The following NRG3 variants were observed in gnomAD, a reference collection of about 807,000 sequenced individuals.
NRG3 encodes pro-neuregulin-3, membrane-bound isoform.
Under a neutral mutation model 66.9 loss-of-function variants are expected in NRG3, and 31 were observed. That is an observed-to-expected ratio of 0.46 (90% CI 0.35 to 0.63). NRG3 has a LOEUF of 0.63. NRG3 is among the 20% of genes least tolerant of loss of function. The pLI, the probability that NRG3 is intolerant of heterozygous loss-of-function variation, is 0.00. For synonymous variants in NRG3, 393 were observed against 359.4 expected, an observed-to-expected ratio of 1.09 and a Z score of -1.06; for missense variants, 910 against 878.9, an observed-to-expected ratio of 1.04 and a Z score of -0.45.
chr10:81,990,871 C>CA (rs887366235), intron 1 of NRG3, among the ~76,000 whole-genome samples: 6 of 151,852 alleles, frequency 4.0e-5, no homozygotes, highest in African/African-American at 1.2e-4. Context: ...AAAAATAAAC[C>CA]TAGTATTTTC....
At chr10:82,083,617 G>A (rs2065526885) in intron 1 of NRG3, among the ~76,000 whole-genome samples, 1 of 131,152 alleles carries the variant, frequency 7.6e-6, no homozygotes, top group Non-Finnish European at 1.6e-5. Flanking sequence ...TTTTTTTTGA[G>A]ACAGAGTTTC....
At chr10:82,347,109 C>G (rs1049593184) in intron 1 of NRG3, among the ~76,000 whole-genome samples, 6 of 149,316 alleles carry the variant, frequency 4.0e-5, no homozygotes, top group Non-Finnish European at 5.9e-5. Context: ...CTTCTGCTAG[C>G]TTTTGAATGT....
At chr10:82,276,372 A>G (rs1468433598) in intron 1 of NRG3, among the ~76,000 whole-genome samples, 1 of 152,016 alleles carries the variant, frequency 6.6e-6, no homozygotes, top group Non-Finnish European at 1.5e-5. Context: ...TCTCAATTAG[A>G]AATATAGTTC....
chr10:82,199,384 G>A (rs1318449223), intron 1 of NRG3, among the ~76,000 whole-genome samples: 3 of 152,096 alleles, frequency 2.0e-5, no homozygotes, highest in African/African-American at 7.2e-5. Context: ...TGATATGTTG[G>A]TGCAGCTCTG....
chr10:81,988,874 C>CTTT (rs398054550), intron 1 of NRG3, among the ~76,000 whole-genome samples: 17 of 141,468 alleles, frequency 1.2e-4, no homozygotes, highest in African/African-American at 3.8e-4. Context: ...CCCGGATGTA[C>CTTT]TTTTTTTTTT....
chr10:82,526,464 G>T (rs1215632226), intron 2 of NRG3, among the ~76,000 whole-genome samples: 3 of 151,750 alleles, frequency 2.0e-5, no homozygotes, highest in Non-Finnish European at 4.4e-5. Flanking sequence ...GATTGAACAT[G>T]TATATTCTGT....
At chr10:82,700,885 A>G (rs1479782409) in intron 2 of NRG3, among the ~76,000 whole-genome samples, 1 of 152,010 alleles carries the variant, frequency 6.6e-6, no homozygotes, top group Non-Finnish European at 1.5e-5. Flanking sequence ...GGAACACGTC[A>G]CCTTTAACTC....
chr10:82,359,256 G>T (rs2083971559), intron 2 of NRG3, among the ~76,000 whole-genome samples: 1 of 152,190 alleles, frequency 6.6e-6, no homozygotes, highest in African/African-American at 2.4e-5. Flanking sequence ...GAAGCAAACT[G>T]CTCATCTAAG....
Position 81,875,870 on chromosome 10 carries a change from C to T in NRG3, c.530C>T (p.Ala177Val), listed in dbSNP as rs1229338372. 6.2e-7 allele frequency: 1 copy of T among 1,610,654 alleles called. No individual in the cohort carries two copies. Among genetic ancestry groups the T allele is most frequent in the East Asian group, 2.2e-5 (1 of 44,850 alleles). ...CCCGGGCACCGGGTGCCCATCCGGG[C>T]CAGCCCGCGCTCCACCACAGCACGG... ...RFPGHRVPIRASPRSTTARNT... is the reference protein window; with the variant it reads ...RFPGHRVPIRVSPRSTTARNT... Residue 177 changes from alanine (A) to valine (V), a missense_variant, in exon 1 of 9, where the codon GCC (alanine) becomes GTC (valine). Transcript: ENST00000372141. The surrounding 1 kb of genome is among the most constrained non-coding windows in gnomAD (Gnocchi z 5.3).
chr10:82,318,949 T>G (rs1374611075), intron 1 of NRG3, among the ~76,000 whole-genome samples: 1 of 152,180 alleles, frequency 6.6e-6, no homozygotes, highest in African/African-American at 2.4e-5. Flanking sequence ...AGAGTGTCTT[T>G]ATAAATAATA....
intron 1 of NRG3, among the ~76,000 whole-genome samples, chr10:82,231,489 A>G (rs956566969): frequency 1.6e-5 from 2 of 122,578 alleles, no homozygotes; most frequent in Non-Finnish European, 3.7e-5. Context: ...GAAAAAAAAA[A>G]CCTAGTATTA....
chr10:82,056,072 C>T (rs921904941), intron 1 of NRG3, among the ~76,000 whole-genome samples: 3 of 152,152 alleles, frequency 2.0e-5, no homozygotes, highest in Non-Finnish European at 4.4e-5. Context: ...CAAAATCATT[C>T]AACCTTGTGC....
intron 4 of NRG3, among the ~76,000 whole-genome samples, chr10:82,930,778 G>A (rs779570331): frequency 1.8e-4 from 27 of 152,164 alleles, no homozygotes; most frequent in Non-Finnish European, 3.2e-4. Flanking sequence ...ATCCAATGGA[G>A]GTTACTTTCA....
intron 1 of NRG3, among the ~76,000 whole-genome samples, chr10:82,271,613 T>C (rs934715968): frequency 1.3e-5 from 2 of 148,998 alleles, no homozygotes; most frequent in African/African-American, 5.2e-5. Context: ...TACTAACTAA[T>C]TAACTCTAAT....
chr10:82,928,025 T>C (rs1254750485), intron 4 of NRG3, among the ~76,000 whole-genome samples: 2 of 152,236 alleles, frequency 1.3e-5, no homozygotes, highest in African/African-American at 2.4e-5. Flanking sequence ...AACTTTTTAA[T>C]GATTGCCATT....
chr10:82,535,737 AACATAAT>A (rs1847746389), intron 2 of NRG3, among the ~76,000 whole-genome samples: 1 of 152,218 alleles, frequency 6.6e-6, no homozygotes, highest in African/African-American at 2.4e-5. Context: ...AAATGTCTTA[AACATAAT>A]TTGAGTGGAA....
intron 3 of NRG3, among the ~76,000 whole-genome samples, chr10:82,857,644 G>A (rs2063882019): frequency 1.3e-5 from 2 of 152,240 alleles, no homozygotes; most frequent in Admixed American, 1.3e-4. Flanking sequence ...AGGAAGACTA[G>A]GAAGAACATA....
At chr10:82,109,461 A>G (rs72825448) in intron 1 of NRG3, among the ~76,000 whole-genome samples, 13,533 of 151,898 alleles carry the variant, frequency 0.089, 832 homozygotes, top group East Asian at 0.33. Flanking sequence ...TATTATTCCA[A>G]TTTTATAGTT....
At chr10:81,948,930 G>C (rs983035811) in intron 1 of NRG3, among the ~76,000 whole-genome samples, 3 of 152,182 alleles carry the variant, frequency 2.0e-5, no homozygotes, top group Non-Finnish European at 4.4e-5. Flanking sequence ...ATCAGCCAAG[G>C]GTAAAGGGAC....
Sources: gnomAD v4.1 joint callset for allele counts (sites outside exome capture counted in the v4.1 genomes callset) on GRCh38, gnomAD v4.1.1 for gene constraint, Gnocchi (gnomAD v3.1) non-coding constraint, MANE v1.5 for transcripts, NCBI Gene and HGNC (gene_info 2026-07-23, HGNC 2026-07-21) for gene names.